The following KSR2 variants were observed in gnomAD, a reference collection of about 807,000 sequenced individuals.
KSR2 encodes the protein kinase suppressor of ras 2.
KSR2 carries 25 observed loss-of-function variants against 107.8 expected under a neutral mutation model. The observed-to-expected ratio is 0.23, with a 90% CI of 0.17 to 0.32. The LOEUF (loss-of-function observed/expected upper bound fraction) is 0.32, where lower values mean the gene tolerates loss of function less well. Ranked by LOEUF, KSR2 falls within the 10% of genes least tolerant of loss-of-function variation. The probability of loss-of-function intolerance (pLI) is 1.00; values close to 1 mark genes in which losing one functional copy is unlikely to be tolerated. For missense variants in KSR2, 887 were observed against 1,268.9 expected (o/e 0.70, Z 4.57); for synonymous variants, 480 against 507.0 (o/e 0.95, Z 0.71).
chr12:117,548,030 G>A (rs933729923), intron 9 of KSR2, among the ~76,000 whole-genome samples: 1 of 152,084 alleles, frequency 6.6e-6, no homozygotes, highest in Non-Finnish European at 1.5e-5. Context: ...CCGGGAAGCA[G>A]AGGTTGCAGT....
chr12:117,775,030 A>G (rs966329959), intron 3 of KSR2, among the ~76,000 whole-genome samples: 1 of 152,154 alleles, frequency 6.6e-6, no homozygotes, highest in Non-Finnish European at 1.5e-5. Context: ...ATATGTATAC[A>G]CCACATTTTG....
chr12:117,820,195 G>A (rs78013866), intron 3 of KSR2, among the ~76,000 whole-genome samples: 1 of 152,140 alleles, frequency 6.6e-6, no homozygotes, highest in East Asian at 1.9e-4. Context: ...CTATGAGAGG[G>A]AGAAATCAGA....
intron 3 of KSR2, among the ~76,000 whole-genome samples, chr12:117,854,257 T>C (rs4766883): frequency 0.14 from 21,152 of 152,206 alleles, 1,626 homozygotes; most frequent in East Asian, 0.29. Context: ...TCCTCCTGCC[T>C]TGGCCTCCCA....
chr12:117,463,211 A>G lies in KSR2; in HGVS notation c.*3988T>C, dbSNP rs1870988831. ...AAGCAGTCAACATCTGCTCCACCCT[A>G]TCCAAGGACAGGGAGTTCTCTACTT... is the stretch of plus-strand genomic sequence containing the variant. On this transcript the variant is annotated 3_prime_UTR_variant, in exon 20 of 20. Coordinates refer to ENST00000339824, the MANE Select transcript of KSR2 (RefSeq NM_173598.6). 6.6e-6 allele frequency: 1 copy of G among 152,210 alleles called. No homozygotes were observed. The highest frequency in any genetic ancestry group is 2.4e-5 in the African/African-American group (1 of 41,440). 9.4% of individuals were successfully genotyped at this position (152,210 alleles called of 1,614,324 possible).
chr12:117,637,675 G>GTTTTTTTTTTTTTTTTT lies in KSR2; in HGVS notation c.1171+29782_1171+29798dup, dbSNP rs56169273. Among the ~76,000 whole-genome samples the GTTTTTTTTTTTTTTTTT allele has an allele frequency of 2.5e-4, 23 of 92,104 alleles. 5 individuals carry two copies. The highest frequency in any genetic ancestry group is 7.2e-4 in the Admixed American group (5 of 6,912). The allele number at this position is 92,104 out of a possible 152,430, so 60.4% of individuals were successfully genotyped here. On this transcript the variant is annotated intron_variant, in intron 5 of 19. Transcript: ENST00000339824. ...AATGGGACCCAGCAGTCAGTTTTGGGTTTTTTTTTTTTTTTTTTTTTTTTG... is the reference window on the plus strand; with the variant it reads ...AATGGGACCCAGCAGTCAGTTTTGGGTTTTTTTTTTTTTTTTTTTTTTTTTTTTTTTTTTTTTTTTTG...
At chr12:117,863,688 G>A (rs149138039) in intron 1 of KSR2, among the ~76,000 whole-genome samples, 11 of 152,190 alleles carry the variant, frequency 7.2e-5, no homozygotes, top group Admixed American at 2.0e-4. Flanking sequence ...TACTGATCTC[G>A]CAGTTCTGGA....
intron 13 of KSR2, among the ~76,000 whole-genome samples, chr12:117,525,854 C>T (rs1056022590): frequency 6.6e-6 from 1 of 152,200 alleles, no homozygotes; most frequent in Non-Finnish European, 1.5e-5. Flanking sequence ...GAGGCTCCTA[C>T]AGCAGCTGGG....
At chr12:117,684,433 A>G (rs142012901) in intron 4 of KSR2, among the ~76,000 whole-genome samples, 2 of 152,340 alleles carry the variant, frequency 1.3e-5, no homozygotes, top group East Asian at 1.9e-4. Context: ...CCACTGTACT[A>G]TTACATGAAT....
At chr12:117,483,846 C>G (rs543729384) in intron 16 of KSR2, among the ~76,000 whole-genome samples, 1 of 152,192 alleles carries the variant, frequency 6.6e-6, no homozygotes, top group Non-Finnish European at 1.5e-5. Context: ...ATGCTTGATG[C>G]GTGTTCTCAT....
In KSR2 at chr12:117,523,763, A is replaced by G. The variant is rs867553663; in HGVS notation, c.2219+1089T>C. The stretch of plus-strand genomic sequence containing the variant: ...CAAGGCGGGCGGATCATCTGAGGTC[A>G]GGTGAACAAGACCAGCCTGACCAAA... On this transcript the variant is annotated intron_variant, in intron 14 of 19. Coordinates refer to ENST00000339824, the MANE Select transcript of KSR2 (RefSeq NM_173598.6). Among the ~76,000 whole-genome samples the G allele has an allele frequency of 3.9e-5, 6 of 152,228 alleles. No individual in the cohort carries two copies. The South Asian group carries it at 1.2e-3, about 32-fold the overall frequency.
chr12:117,767,743 C>G (rs553985655), intron 3 of KSR2, among the ~76,000 whole-genome samples: 129 of 147,394 alleles, frequency 8.8e-4, no homozygotes, highest in African/African-American at 3.1e-3. Context: ...CGAGATCGCA[C>G]CATTGCACTC....
At chr12:117,549,506 A>T (rs989010446) in intron 9 of KSR2, among the ~76,000 whole-genome samples, 1 of 152,032 alleles carries the variant, frequency 6.6e-6, no homozygotes, top group African/African-American at 2.4e-5. Context: ...CATCCTCTAG[A>T]CTAGGCACTC....
At chr12:117,793,296 A>G (rs1417432686) in intron 3 of KSR2, among the ~76,000 whole-genome samples, 2 of 99,568 alleles carry the variant, frequency 2.0e-5, no homozygotes, top group South Asian at 3.6e-4. Flanking sequence ...AACATACCAT[A>G]CACACAACAT....
intron 5 of KSR2, among the ~76,000 whole-genome samples, chr12:117,613,891 G>T (rs541521189): frequency 1.3e-5 from 2 of 152,176 alleles, no homozygotes; most frequent in South Asian, 2.1e-4. Context: ...CCCTTGAATT[G>T]TACCTCCCAA....
intron 14 of KSR2, among the ~76,000 whole-genome samples, chr12:117,515,803 G>A (rs112939182): frequency 2.2e-4 from 33 of 152,332 alleles, no homozygotes; most frequent in Admixed American, 3.3e-4. Context: ...GCATGTGCCT[G>A]TAATCCCAGC....
intron 1 of KSR2, among the ~76,000 whole-genome samples, chr12:117,927,006 AC>A (rs1206035453): frequency 6.6e-6 from 1 of 152,182 alleles, no homozygotes; most frequent in Non-Finnish European, 1.5e-5. Context: ...TCTCTGGCAC[AC>A]CGTTGGCACC....
intron 5 of KSR2, among the ~76,000 whole-genome samples, chr12:117,597,255 G>A (rs1880701685): frequency 6.6e-6 from 1 of 152,178 alleles, no homozygotes; most frequent in African/African-American, 2.4e-5. Flanking sequence ...AAAGATTGCA[G>A]GTGCTAATCG....
At chr12:117,497,387 G>A (rs954507839) in intron 14 of KSR2, among the ~76,000 whole-genome samples, 1 of 152,118 alleles carries the variant, frequency 6.6e-6, no homozygotes, top group Non-Finnish European at 1.5e-5. Context: ...GAGGCAGCAG[G>A]GGCCCCCTTC....
In KSR2 at chr12:117,968,678, C is replaced by T. The variant is rs146239381; in HGVS notation, c.-423G>A. On this transcript the variant is annotated 5_prime_UTR_variant, in exon 1 of 20. Transcript: ENST00000339824. ...GAGGAGGAGGAGAAGGAAAATAGCG[C>T]TCACTCTTTACACACCGGCTCCTTG... 119 of 183,224 alleles carry T rather than the reference C, an allele frequency of 6.5e-4. 2 individuals are homozygous for T. The Middle Eastern group carries it at 7.0e-3, about 11-fold the overall frequency. 11.3% of individuals were successfully genotyped at this position (183,224 alleles called of 1,614,324 possible).
Sources: gnomAD v4.1 joint callset for allele counts (sites outside exome capture counted in the v4.1 genomes callset) on GRCh38, gnomAD v4.1.1 for gene constraint, MANE v1.5 for transcripts, NCBI Gene and HGNC (gene_info 2026-07-23, HGNC 2026-07-21) for gene names.